Variants in TSPAN31 observed in about 807,000 individuals in gnomAD.
TSPAN31 encodes tetraspanin 31.
In TSPAN31, 16 loss-of-function variants were observed where a neutral mutation model predicts 24.8. The ratio of observed to expected loss-of-function variants is 0.64; its 90% confidence interval spans 0.44 to 0.98. TSPAN31 has a LOEUF of 0.98. Among genes scored for constraint, TSPAN31 ranks in the 50% least tolerant of loss-of-function variants. The pLI is 0.00. For synonymous variants in TSPAN31, 87 were observed against 91.4 expected (o/e 0.95, Z 0.27); for missense variants, 209 against 251.6 (o/e 0.83, Z 1.15).
chr12:57,748,980 A>G lies in TSPAN31; in HGVS notation c.*1690A>G, dbSNP rs1478550530. 5.9e-6 allele frequency: 4 copies of G among 683,210 alleles called. No homozygotes were observed. The highest frequency in any genetic ancestry group is 1.0e-5 in the Non-Finnish European group (4 of 399,358). The allele number at this position is 683,210 out of a possible 1,614,324, so 42.3% of individuals were successfully genotyped here. On this transcript the variant is annotated 3_prime_UTR_variant, in exon 6 of 6. Transcript: ENST00000257910. ...CTTGGCCTCCCAAAGTGCTGGGATT[A>G]CAGGCGTGAGCCACCGTGCCCAGCC...
At chr12:57,746,785 A>G in intron 4 of TSPAN31, 65 bp downstream of exon 4, 1 of 1,604,870 alleles carries the variant, frequency 6.2e-7, no homozygotes, top group Non-Finnish European at 8.5e-7. Flanking sequence ...ACAATGCCCA[A>G]GTTGGCAAAT....
At chr12:57,746,484 G>C (rs947248439) in intron 3 of TSPAN31, 105 bp from the exon 4 acceptor site, 1 of 1,409,354 alleles carries the variant, frequency 7.1e-7, no homozygotes, top group African/African-American at 1.4e-5. Context: ...GTTGCACACC[G>C]TTATGCTTCT....
At chr12:57,746,352 C>A in intron 3 of TSPAN31, 96 bp downstream of exon 3, 1 of 1,267,928 alleles carries the variant, frequency 7.9e-7, no homozygotes, top group Non-Finnish European at 1.2e-6. Context: ...ACCCAAAGAT[C>A]ATCCTTAGGT....
Position 57,748,510 on chromosome 12 carries a change from C to G in TSPAN31, c.*1220C>G. 6.3e-7 allele frequency: 1 copy of G among 1,585,714 alleles called. No individual in the cohort carries two copies. Among genetic ancestry groups the G allele is most frequent in the Non-Finnish European group, 8.7e-7 (1 of 1,154,396 alleles). On this transcript the variant is annotated 3_prime_UTR_variant, in exon 6 of 6. Transcript: ENST00000257910. ...ATGGCAGCTTTTCTTCCTTCCATGGCAGCCACTCCATTGCTCACTCCGGAT... is the reference window on the plus strand; with the variant it reads ...ATGGCAGCTTTTCTTCCTTCCATGGGAGCCACTCCATTGCTCACTCCGGAT...
At position 57,748,155 on chromosome 12, in the gene TSPAN31, A is replaced by C. The variant is rs3473; in HGVS notation, c.*865A>C. On this transcript the variant is annotated 3_prime_UTR_variant, in exon 6 of 6. Coordinates refer to ENST00000257910, the MANE Select transcript of TSPAN31 (RefSeq NM_005981.5). ...AACCAGTCTTTAAGGTTTTGCAGGA[A>C]AGTCCCTTCTTCCAAGTGGTTTTTC... The C allele has an allele frequency of 0.017, 5,899 of 350,076 alleles. 326 individuals are homozygous for C. The highest frequency in any genetic ancestry group is 0.11 in the African/African-American group (5,480 of 48,226). The allele number at this position is 350,076 out of a possible 1,614,324, so 21.7% of individuals were successfully genotyped here.
chr12:57,746,123 A>G, intron 2 of TSPAN31, 53 bp from the exon 3 acceptor site: 1 of 1,528,066 alleles, frequency 6.5e-7, no homozygotes, highest in Non-Finnish European at 9.1e-7. Flanking sequence ...GACAGTTATT[A>G]TAGATGAAAC....
In TSPAN31 at chr12:57,748,915, A is replaced by T. The variant is rs1955194449; in HGVS notation, c.*1625A>T. ...GAGACGAGGTTTCACCATGTTGGCCAGGCTGGTCTCGAACTCCTGACCTCA... is the reference window on the plus strand; with the variant it reads ...GAGACGAGGTTTCACCATGTTGGCCTGGCTGGTCTCGAACTCCTGACCTCA... On this transcript the variant is annotated 3_prime_UTR_variant, in exon 6 of 6. Coordinates refer to ENST00000257910, the MANE Select transcript of TSPAN31 (RefSeq NM_005981.5). 2 of 557,464 alleles carry T rather than the reference A, an allele frequency of 3.6e-6. No individual in the cohort carries two copies. Among genetic ancestry groups the T allele is most frequent in the African/African-American group, 1.9e-5 (1 of 53,102 alleles). The allele number at this position is 557,464 out of a possible 1,614,324, so 34.5% of individuals were successfully genotyped here.
chr12:57,748,841 G>C lies in TSPAN31; in HGVS notation c.*1551G>C, dbSNP rs3211628. 2.4e-3 allele frequency: 1,332 copies of C among 559,476 alleles called. 14 individuals carry two copies. The highest frequency in any genetic ancestry group is 0.022 in the African/African-American group (1,188 of 53,162). 34.7% of individuals were successfully genotyped at this position (559,476 alleles called of 1,614,324 possible). A position where few individuals can be genotyped will look rare whatever the true frequency, so the allele number is the denominator to read the frequency against. On this transcript the variant is annotated 3_prime_UTR_variant, in exon 6 of 6. Transcript: ENST00000257910. ...CTATCTCAGCCTCCCAAGTAGCTGA[G>C]ATTACAGGCGTGTGCCACCACCCCC...
Position 57,749,744 on chromosome 12 carries a change from A to G in TSPAN31, c.*2454A>G. 1.8e-6 allele frequency: 1 copy of G among 559,240 alleles called. No individual in the cohort carries two copies. The highest frequency in any genetic ancestry group is 2.0e-5 in the South Asian group (1 of 49,154). The allele number at this position is 559,240 out of a possible 1,614,324, so 34.6% of individuals were successfully genotyped here. On this transcript the variant is annotated 3_prime_UTR_variant, in exon 6 of 6. Coordinates refer to ENST00000257910, the MANE Select transcript of TSPAN31 (RefSeq NM_005981.5). The stretch of plus-strand genomic sequence containing the variant: ...CCAGGTGCAGCGGCTCACGCCTGTA[A>G]TCCTAGCACTTTGGGAGTCTGATGT...
chr12:57,745,158 GT>G lies in TSPAN31; in HGVS notation c.7del (p.Cys3ValfsTer21). The G allele has an allele frequency of 6.2e-7, 1 of 1,603,334 alleles. No individual in the cohort carries two copies. The highest frequency in any genetic ancestry group is 8.5e-7 in the Non-Finnish European group (1 of 1,175,034). On this transcript the variant is annotated frameshift_variant, in exon 1 of 6. Coordinates refer to ENST00000257910, the MANE Select transcript of TSPAN31 (RefSeq NM_005981.5). LOFTEE classifies it high-confidence loss of function. ...TTGGGTCCCCAGAGCTGGGGAGATG[GT>G]TTGTGGCGGCTTTGCCTGCTCCAAG... The part of the protein sequence containing the change: M[V>X]CGGFACSKNA...
chr12:57,749,514 G>A lies in TSPAN31; in HGVS notation c.*2224G>A. 1 of 1,613,812 alleles carries A rather than the reference G, an allele frequency of 6.2e-7. No homozygotes were observed. The highest frequency in any genetic ancestry group is 1.1e-5 in the South Asian group (1 of 91,080). ...TCCACAGAAGAGAGGCCTAAGGTGAGAAGGGATATAAGGTAGCAGTCATTT... is the reference window on the plus strand; with the variant it reads ...TCCACAGAAGAGAGGCCTAAGGTGAAAAGGGATATAAGGTAGCAGTCATTT... On this transcript the variant is annotated 3_prime_UTR_variant, in exon 6 of 6. Coordinates refer to ENST00000257910, the MANE Select transcript of TSPAN31 (RefSeq NM_005981.5).
chr12:57,749,837 A>C lies in TSPAN31; in HGVS notation c.*2547A>C. Reference sequence around the variant, plus strand: ...CATGGTGAAACCCTGTCATTACTAAAAGTACAAAAATTAGCTGAGCATGGT... The same window carrying C: ...CATGGTGAAACCCTGTCATTACTAACAGTACAAAAATTAGCTGAGCATGGT... On this transcript the variant is annotated 3_prime_UTR_variant, in exon 6 of 6. Transcript: ENST00000257910. 2 of 375,404 alleles carry C rather than the reference A, an allele frequency of 5.3e-6. No homozygotes were observed. The highest frequency in any genetic ancestry group is 4.7e-5 in the South Asian group (2 of 42,164). 23.3% of individuals were successfully genotyped at this position (375,404 alleles called of 1,614,324 possible).
chr12:57,748,733 TC>T lies in TSPAN31; in HGVS notation c.*1444del. On this transcript the variant is annotated 3_prime_UTR_variant, in exon 6 of 6. Coordinates refer to ENST00000257910, the MANE Select transcript of TSPAN31 (RefSeq NM_005981.5). Reference sequence around the variant, plus strand: ...CTTTTTTTTTTTTTTTGAGACGGAGTCTCGCTCTATCACCCAGGCTGGAGTG... The same window carrying T: ...CTTTTTTTTTTTTTTTGAGACGGAGTTCGCTCTATCACCCAGGCTGGAGTG... The T allele has an allele frequency of 1.4e-6, 1 of 726,130 alleles. No homozygotes were observed. Among genetic ancestry groups the T allele is most frequent in the Non-Finnish European group, 2.4e-6 (1 of 416,368 alleles). The allele number at this position is 726,130 out of a possible 1,614,324, so 45.0% of individuals were successfully genotyped here.
At position 57,748,596 on chromosome 12, in the gene TSPAN31, G is replaced by C. The variant is rs876659522; in HGVS notation, c.*1306G>C. On this transcript the variant is annotated 3_prime_UTR_variant, in exon 6 of 6. Coordinates refer to ENST00000257910, the MANE Select transcript of TSPAN31 (RefSeq NM_005981.5). ...GCTCGAAAGGCAGAGATTCGCTTGT[G>C]TGGGTTAAAAGTCAGCATTTCCTGA... 6 of 1,613,676 alleles carry C rather than the reference G, an allele frequency of 3.7e-6. No homozygotes were observed. The highest frequency in any genetic ancestry group is 5.1e-6 in the Non-Finnish European group (6 of 1,179,728).
intron 4 of TSPAN31, 115 bp downstream of exon 4, chr12:57,746,835 T>C: frequency 2.0e-6 from 3 of 1,502,370 alleles, no homozygotes; most frequent in Non-Finnish European, 2.7e-6. Flanking sequence ...ACAAGCCCTC[T>C]TGTATTGGGG....
Position 57,749,408 on chromosome 12 carries a change from G to A in TSPAN31, c.*2118G>A, listed in dbSNP as rs756523031. On this transcript the variant is annotated 3_prime_UTR_variant, in exon 6 of 6. Coordinates refer to ENST00000257910, the MANE Select transcript of TSPAN31 (RefSeq NM_005981.5). The stretch of plus-strand genomic sequence containing the variant: ...GTTGCCATCCTGGGTTCAGCAGAAA[G>A]AGGACTCAGAATAGAAAATCTTTTT... 10 of 1,613,292 alleles carry A rather than the reference G, an allele frequency of 6.2e-6. No homozygotes were observed. In the East Asian group the frequency reaches 2.0e-4, roughly 32 times the overall value.
intron 2 of TSPAN31, 29 bp from the exon 3 acceptor site, chr12:57,746,147 G>A (rs367657592): frequency 1.9e-4 from 304 of 1,593,302 alleles, no homozygotes; most frequent in Middle Eastern, 1.2e-3. Context: ...AAGGAATCTA[G>A]GACTTTTTTC....
At position 57,748,915 on chromosome 12, in the gene TSPAN31, A is replaced by G; in HGVS notation, c.*1625A>G. The stretch of plus-strand genomic sequence containing the variant: ...GAGACGAGGTTTCACCATGTTGGCC[A>G]GGCTGGTCTCGAACTCCTGACCTCA... On this transcript the variant is annotated 3_prime_UTR_variant, in exon 6 of 6. Coordinates refer to ENST00000257910, the MANE Select transcript of TSPAN31 (RefSeq NM_005981.5). 1 of 557,582 alleles carries G rather than the reference A, an allele frequency of 1.8e-6. No homozygotes were observed. The allele number at this position is 557,582 out of a possible 1,614,324, so 34.5% of individuals were successfully genotyped here. A position where few individuals can be genotyped will look rare whatever the true frequency, so the allele number is the denominator to read the frequency against.
At chr12:57,745,943 G>A (rs752559795) in intron 2 of TSPAN31, 31 bp downstream of exon 2, 5 of 1,565,896 alleles carry the variant, frequency 3.2e-6, no homozygotes, top group South Asian at 1.2e-5. Flanking sequence ...GGGGGCAACC[G>A]GGGGCTTGGG....
Sources: allele counts gnomAD v4.1 joint callset, GRCh38; gene constraint gnomAD v4.1.1; transcripts MANE v1.5; gene names NCBI Gene and HGNC (gene_info 2026-07-23, HGNC 2026-07-21).